ARHGAP6: variants seen among roughly 807,000 people sequenced by gnomAD.
The protein encoded by ARHGAP6 is Rho GTPase activating protein 6.
A neutral mutation model predicts 55.7 loss-of-function variants in ARHGAP6; 16 were observed. The observed-to-expected ratio is 0.29, with a 90% CI of 0.19 to 0.44. The LOEUF (loss-of-function observed/expected upper bound fraction) is 0.44. ARHGAP6 is among the 20% of genes least tolerant of loss of function. ARHGAP6 has a pLI of 1.00. For missense variants in ARHGAP6, 698 were observed against 808.9 expected, an observed-to-expected ratio of 0.86 and a Z score of 1.66; for synonymous variants, 382 against 360.9, an observed-to-expected ratio of 1.06 and a Z score of -0.66.
At chrX:11,169,746 C>T in intron 8 of ARHGAP6, 62 bp from the exon 9 acceptor site, 2 of 885,025 alleles carry the variant, frequency 2.3e-6, no homozygotes, top group South Asian at 3.6e-5. Context: ...CTGGGTGATT[C>T]AACAATCAAT....
chrX:11,465,318 T>G (rs1453144035), intron 1 of ARHGAP6, among the ~76,000 whole-genome samples: 1 of 112,055 alleles, frequency 8.9e-6, no homozygotes, highest in East Asian at 2.8e-4. Flanking sequence ...AGTAACTTGC[T>G]AAAGTTCCCA....
At chrX:11,473,123 T>A (rs747668957) in intron 1 of ARHGAP6, among the ~76,000 whole-genome samples, 12 of 111,355 alleles carry the variant, frequency 1.1e-4, no homozygotes, top group Non-Finnish European at 1.9e-4. Context: ...AGCTGAACAT[T>A]CTGTTTCTAT....
intron 1 of ARHGAP6, among the ~76,000 whole-genome samples, chrX:11,326,967 A>G (rs1235703126): frequency 5.4e-5 from 6 of 112,061 alleles, no homozygotes; most frequent in African/African-American, 9.7e-5. Flanking sequence ...TGATTTCATG[A>G]TAAGTACACA....
intron 2 of ARHGAP6, among the ~76,000 whole-genome samples, chrX:11,214,975 A>G (rs141751729): frequency 0.027 from 3,042 of 113,242 alleles, 103 homozygotes; most frequent in African/African-American, 0.093. Context: ...AAATGGCCCC[A>G]GTGTCGTTGT....
chrX:11,552,601 G>GACACACAC (rs769582716), intron 1 of ARHGAP6, among the ~76,000 whole-genome samples: 3 of 35,936 alleles, frequency 8.3e-5, no homozygotes, highest in Non-Finnish European at 1.5e-4. Flanking sequence ...TATATATATA[G>GACACACAC]ACACACACAC....
At chrX:11,584,745 C>T (rs2051706347) in intron 1 of ARHGAP6, among the ~76,000 whole-genome samples, 1 of 112,349 alleles carries the variant, frequency 8.9e-6, no homozygotes, top group Non-Finnish European at 1.9e-5. Flanking sequence ...GCTGTCAGAA[C>T]GTCTGGCAGT....
intron 1 of ARHGAP6, among the ~76,000 whole-genome samples, chrX:11,625,400 G>A (rs2052285323): frequency 9.0e-6 from 1 of 110,509 alleles, no homozygotes; most frequent in Non-Finnish European, 1.9e-5. Flanking sequence ...AAGCAATACA[G>A]ATATAACTGG....
rs1209587904 is a variant in ARHGAP6, at chrX:11,441,864, G to GT, written c.589-187158dup. 7.3e-4 allele frequency among the ~76,000 whole-genome samples: 74 copies of GT among 100,779 alleles called. 1 individual carries two copies. The highest frequency in any genetic ancestry group is 3.9e-3 in the South Asian group (9 of 2,312). 87.5% of individuals were successfully genotyped at this position (100,779 alleles called of 115,157 possible). On this transcript the variant is annotated intron_variant, in intron 1 of 12. Coordinates refer to ENST00000337414, the MANE Select transcript of ARHGAP6 (RefSeq NM_013427.3). ...CCAATTCCTTCTCATCACTTGCCAG[G>GT]TTTTTTTTTTTTCCTTTGGAGGATG...
At chrX:11,444,489 T>A (rs950714527) in intron 1 of ARHGAP6, among the ~76,000 whole-genome samples, 2 of 112,297 alleles carry the variant, frequency 1.8e-5, no homozygotes, top group African/African-American at 6.5e-5. Context: ...AGAGCAAGTG[T>A]TAGGTTGAGG....
intron 1 of ARHGAP6, among the ~76,000 whole-genome samples, chrX:11,461,392 A>T (rs1445239050): frequency 8.9e-6 from 1 of 111,871 alleles, no homozygotes; most frequent in Non-Finnish European, 1.9e-5. Flanking sequence ...GATCACACAG[A>T]GTGAGCAAAA....
intron 1 of ARHGAP6, among the ~76,000 whole-genome samples, chrX:11,276,332 T>C (rs974177140): frequency 3.6e-5 from 4 of 112,010 alleles, no homozygotes; most frequent in South Asian, 3.7e-4. Flanking sequence ...TCTGGAAGAA[T>C]AGAAACAGCA....
Position 11,169,660 on chromosome X carries a change from G to A in ARHGAP6, c.1654C>T (p.Leu552=). ...GGTCCAAATATGGTGGCTAAGTTTAGAGATGTCATTTTATTCCCAGTGACC... is the reference window on the plus strand; with the variant it reads ...GGTCCAAATATGGTGGCTAAGTTTAAAGATGTCATTTTATTCCCAGTGACC... ...QEVTGNKMTS[L]NLATIFGPNL... Residue 552 remains leucine, a synonymous_variant, in exon 9 of 13, where the codon CTA becomes TTA. Transcript: ENST00000337414. The A allele has an allele frequency of 1.7e-6, 2 of 1,200,102 alleles. No individual in the cohort carries two copies. The highest frequency in any genetic ancestry group is 2.2e-6 in the Non-Finnish European group (2 of 889,856).
intron 1 of ARHGAP6, among the ~76,000 whole-genome samples, chrX:11,467,992 GAATA>G (rs1199877737): frequency 0.13 from 5,191 of 39,441 alleles, 203 homozygotes; most frequent in African/African-American, 0.23. Context: ...ATGAATGAAT[GAATA>G]AATAAATAAA....
intron 4 of ARHGAP6, among the ~76,000 whole-genome samples, chrX:11,186,665 A>G (rs913377784): frequency 8.9e-6 from 1 of 112,259 alleles, no homozygotes; most frequent in Non-Finnish European, 1.9e-5. Context: ...AATTTCAACA[A>G]TAGACAACAT....
At chrX:11,462,065 A>G (rs1393451047) in intron 1 of ARHGAP6, among the ~76,000 whole-genome samples, 1 of 112,256 alleles carries the variant, frequency 8.9e-6, no homozygotes, top group Non-Finnish European at 1.9e-5. Flanking sequence ...GAGCGAGGAT[A>G]TTTTCCATAT....
intron 1 of ARHGAP6, among the ~76,000 whole-genome samples, chrX:11,601,170 A>G (rs1240612021): frequency 1.8e-5 from 2 of 111,690 alleles, no homozygotes; most frequent in Non-Finnish European, 3.8e-5. Flanking sequence ...CAGGTGACTG[A>G]TCGGGATAAG....
At chrX:11,400,792 C>T (rs892026601) in intron 1 of ARHGAP6, among the ~76,000 whole-genome samples, 41 of 111,860 alleles carry the variant, frequency 3.7e-4, no homozygotes, top group African/African-American at 1.1e-3. Flanking sequence ...GTGACTGTGC[C>T]GTATTGTATT....
intron 1 of ARHGAP6, among the ~76,000 whole-genome samples, chrX:11,519,357 G>A (rs2050886829): frequency 9.1e-6 from 1 of 110,085 alleles, no homozygotes; most frequent in African/African-American, 3.4e-5. Flanking sequence ...TCTCATAGTG[G>A]TTTTGATTTG....
intron 1 of ARHGAP6, among the ~76,000 whole-genome samples, chrX:11,566,866 C>G (rs1327424839): frequency 1.8e-5 from 2 of 112,083 alleles, no homozygotes; most frequent in Non-Finnish European, 3.8e-5. Context: ...ATATCACCAG[C>G]CAAACTGCTT....
Sources: allele counts gnomAD v4.1 joint callset (sites outside exome capture counted in the v4.1 genomes callset), GRCh38; gene constraint gnomAD v4.1.1; transcripts MANE v1.5; gene names NCBI Gene and HGNC (gene_info 2026-07-23, HGNC 2026-07-21).